FIG4: variants seen among roughly 807,000 people sequenced by gnomAD.
The protein encoded by FIG4 is polyphosphoinositide phosphatase.
FIG4 carries 112 observed loss-of-function variants against 118.6 expected under a neutral mutation model. The observed-to-expected ratio is 0.94, with a 90% CI of 0.81 to 1.11. The LOEUF is 1.11. Among genes scored for constraint, FIG4 ranks in the 50% least tolerant of loss-of-function variants. The probability of loss-of-function intolerance (pLI) is 0.00; values close to 1 mark genes in which losing one functional copy is unlikely to be tolerated. For synonymous variants in FIG4, 369 were observed against 381.2 expected (o/e 0.97, Z 0.37); for missense variants, 969 against 1,111.7 (o/e 0.87, Z 1.83).
intron 10 of FIG4, among the ~76,000 whole-genome samples, chr6:109,753,530 G>C (rs1321909831): frequency 6.6e-6 from 1 of 152,076 alleles, no homozygotes; most frequent in Non-Finnish European, 1.5e-5. Flanking sequence ...AAATTACCTT[G>C]GGCAATAGGG....
At chr6:109,713,317 G>A (rs995747703) in intron 1 of FIG4, among the ~76,000 whole-genome samples, 1 of 152,226 alleles carries the variant, frequency 6.6e-6, no homozygotes, top group African/African-American at 2.4e-5. Context: ...CTGAGGGGGC[G>A]GGGGAGGCCC....
intron 1 of FIG4, among the ~76,000 whole-genome samples, chr6:109,705,751 G>A (rs1354343724): frequency 1.3e-5 from 2 of 152,144 alleles, no homozygotes; most frequent in Non-Finnish European, 2.9e-5. Context: ...GGTTTCGTAG[G>A]ATTTATTAAA....
At chr6:109,719,791 GT>G (rs902636972) in intron 3 of FIG4, among the ~76,000 whole-genome samples, 8 of 150,774 alleles carry the variant, frequency 5.3e-5, no homozygotes, top group Admixed American at 3.3e-4. Flanking sequence ...GGACTCTTTT[GT>G]TTTTTTTTAA....
intron 22 of FIG4, among the ~76,000 whole-genome samples, chr6:109,818,518 A>G (rs1189415079): frequency 6.6e-6 from 1 of 152,180 alleles, no homozygotes; most frequent in Non-Finnish European, 1.5e-5. Flanking sequence ...TTTTTATTAC[A>G]GAATATTGTC....
At chr6:109,737,751 G>A (rs1776201929) in intron 6 of FIG4, among the ~76,000 whole-genome samples, 1 of 152,126 alleles carries the variant, frequency 6.6e-6, no homozygotes, top group African/African-American at 2.4e-5. Context: ...GAAAAGGCCT[G>A]ACATCATAAT....
chr6:109,710,745 G>T (rs1195845018), intron 1 of FIG4, among the ~76,000 whole-genome samples: 2 of 152,060 alleles, frequency 1.3e-5, no homozygotes, highest in African/African-American at 4.8e-5. Context: ...ATTTCTTCTA[G>T]ATTTTCTAGT....
Position 109,791,424 on chromosome 6 carries a change from C to A in FIG4, c.2229C>A (p.Ala743=). The part of the protein sequence containing the change: ...EEAVLQRKTA[A]SAPPPPSEEA... ...CTGTATTACAGCGGAAAACGGCAGC[C>A]AGCGCCCCGCCGCCCCCCAGCGAGG... The change falls in exon 20 of 23, where the codon GCC becomes GCA. Residue 743 remains alanine (A), a synonymous_variant. Transcript: ENST00000230124. 1 of 1,613,616 alleles carries A rather than the reference C, an allele frequency of 6.2e-7. No homozygotes were observed.
At chr6:109,760,123 G>A (rs972109800) in intron 10 of FIG4, 127 bp from the exon 11 acceptor site, 3 of 716,988 alleles carry the variant, frequency 4.2e-6, no homozygotes, top group Non-Finnish European at 7.3e-6. Flanking sequence ...ATTGTAGCTA[G>A]GTTTCATTTT....
rs143705277 is a variant in FIG4, at chr6:109,811,106, A to G, written c.2547-13982A>G. On this transcript the variant is annotated intron_variant, in intron 22 of 22. Transcript: ENST00000230124. Reference sequence around the variant, plus strand: ...TTTTCATGTCACGTGCAGTGCTGAGATAACTGGGAGTATTTATCTCAGAAA... The same window carrying G: ...TTTTCATGTCACGTGCAGTGCTGAGGTAACTGGGAGTATTTATCTCAGAAA... 6.4e-3 allele frequency among the ~76,000 whole-genome samples: 975 copies of G among 152,338 alleles called. 18 individuals are homozygous for G. Among genetic ancestry groups the G allele is most frequent in the African/African-American group, 0.022 (923 of 41,580 alleles).
intron 13 of FIG4, 31 bp downstream of exon 13, chr6:109,764,013 A>G: frequency 1.4e-6 from 2 of 1,439,406 alleles, no homozygotes; most frequent in Non-Finnish European, 9.8e-7. Context: ...CGTAATGAAT[A>G]GAATCTGTAT....
intron 22 of FIG4, among the ~76,000 whole-genome samples, chr6:109,811,071 G>C (rs756091644): frequency 1.3e-5 from 2 of 152,166 alleles, no homozygotes; most frequent in Non-Finnish European, 2.9e-5. Context: ...CATGTGCAGT[G>C]TTGGTTAATT....
intron 1 of FIG4, among the ~76,000 whole-genome samples, chr6:109,712,705 A>G (rs571412578): frequency 2.6e-5 from 4 of 152,252 alleles, no homozygotes; most frequent in East Asian, 3.9e-4. Context: ...CTTCATTTCT[A>G]TTCCTATTCT....
intron 22 of FIG4, among the ~76,000 whole-genome samples, chr6:109,809,621 T>C (rs1391771461): frequency 6.6e-6 from 1 of 152,186 alleles, no homozygotes; most frequent in East Asian, 1.9e-4. Context: ...CGTTATTATG[T>C]TACAGCCTTG....
intron 10 of FIG4, among the ~76,000 whole-genome samples, chr6:109,757,401 C>G (rs1189033896): frequency 6.6e-6 from 1 of 152,162 alleles, no homozygotes; most frequent in Middle Eastern, 3.2e-3. Flanking sequence ...AAAAGGCCTG[C>G]AATAAAATTG....
At chr6:109,710,725 GA>G (rs1169837941) in intron 1 of FIG4, among the ~76,000 whole-genome samples, 3 of 152,126 alleles carry the variant, frequency 2.0e-5, no homozygotes, top group Non-Finnish European at 4.4e-5. Flanking sequence ...ATATGTCCAG[GA>G]ATTTATCTAT....
At chr6:109,761,646 CA>C (rs1483783974) in intron 11 of FIG4, among the ~76,000 whole-genome samples, 5 of 152,216 alleles carry the variant, frequency 3.3e-5, no homozygotes, top group Admixed American at 2.0e-4. Flanking sequence ...ATTGGCCTCC[CA>C]AAGTGCTGGG....
intron 22 of FIG4, among the ~76,000 whole-genome samples, chr6:109,807,527 A>C (rs2128399995): frequency 6.6e-6 from 1 of 152,266 alleles, no homozygotes; most frequent in South Asian, 2.1e-4. Flanking sequence ...AGATGGATAG[A>C]TTGCAAAACT....
intron 15 of FIG4, among the ~76,000 whole-genome samples, chr6:109,775,013 TC>T (rs1412187011): frequency 6.6e-6 from 1 of 152,234 alleles, no homozygotes; most frequent in African/African-American, 2.4e-5. Flanking sequence ...TTAAACCTGA[TC>T]TATTTAAATG....
intron 1 of FIG4, among the ~76,000 whole-genome samples, chr6:109,702,858 C>A (rs1774946192): frequency 6.6e-6 from 1 of 152,178 alleles, no homozygotes; most frequent in Admixed American, 6.5e-5. Flanking sequence ...CACATTCACA[C>A]CCCTTAAGTA....
Sources: allele counts gnomAD v4.1 joint callset (sites outside exome capture counted in the v4.1 genomes callset), GRCh38; gene constraint gnomAD v4.1.1; transcripts MANE v1.5; gene names NCBI Gene and HGNC (gene_info 2026-07-23, HGNC 2026-07-21).